Variants in GLRA3 observed in about 807,000 individuals in gnomAD.
The protein encoded by GLRA3 is glycine receptor subunit alpha-3.
GLRA3 carries 44 observed loss-of-function variants against 60.4 expected under a neutral mutation model. The ratio of observed to expected loss-of-function variants is 0.73; its 90% CI spans 0.57 to 0.94. GLRA3 has a LOEUF of 0.94. Among genes scored for constraint, GLRA3 ranks in the 40% least tolerant of loss-of-function variants. GLRA3 has a pLI of 0.00. For synonymous variants in GLRA3, 223 were observed against 192.9 expected (o/e 1.16, Z -1.29); for missense variants, 508 against 564.6 (o/e 0.90, Z 1.02).
At chr4:174,718,566 A>G (rs1402183273) in intron 4 of GLRA3, among the ~76,000 whole-genome samples, 1 of 152,210 alleles carries the variant, frequency 6.6e-6, no homozygotes, top group Non-Finnish European at 1.5e-5. Context: ...GTCTATCTCA[A>G]CCACTAGTTG....
chr4:174,658,835 T>A (rs773567814), intron 8 of GLRA3, among the ~76,000 whole-genome samples: 1 of 152,226 alleles, frequency 6.6e-6, no homozygotes, highest in Admixed American at 6.5e-5. Flanking sequence ...ATAGGTCCCA[T>A]GTCATCGGAT....
chr4:174,687,506 T>C (rs1008415807), intron 5 of GLRA3, among the ~76,000 whole-genome samples: 1 of 152,068 alleles, frequency 6.6e-6, no homozygotes, highest in African/African-American at 2.4e-5. Context: ...GTGAAAAAAA[T>C]GGGTGGAAAC....
chr4:174,666,106 T>C (rs923508694), intron 7 of GLRA3, among the ~76,000 whole-genome samples: 1 of 152,154 alleles, frequency 6.6e-6, no homozygotes, highest in African/African-American at 2.4e-5. Context: ...ATCACCTAGT[T>C]ATTAGGCTGC....
chr4:174,811,490 C>G (rs1740273463), intron 1 of GLRA3, among the ~76,000 whole-genome samples: 1 of 152,120 alleles, frequency 6.6e-6, no homozygotes, highest in African/African-American at 2.4e-5. Context: ...GTCATGTCCT[C>G]CACATTGCCT....
chr4:174,783,527 C>A (rs995231084), intron 2 of GLRA3, among the ~76,000 whole-genome samples: 19 of 139,754 alleles, frequency 1.4e-4, no homozygotes, highest in African/African-American at 5.0e-4. Flanking sequence ...TCAGAGTGAA[C>A]AGGCAACCTA....
Position 174,749,379 on chromosome 4 carries a change from T to C in GLRA3, c.267+17584A>G, listed in dbSNP as rs114242493. On this transcript the variant is annotated intron_variant, in intron 3 of 9. Coordinates refer to ENST00000274093, the MANE Select transcript of GLRA3 (RefSeq NM_006529.4). Reference sequence around the variant, plus strand: ...AATGCAACTGGAGCAATCTTTGCCATCAGAGGAGTTGTGGGAATAGGCACT... The same window carrying C: ...AATGCAACTGGAGCAATCTTTGCCACCAGAGGAGTTGTGGGAATAGGCACT... 9.3e-3 allele frequency among the ~76,000 whole-genome samples: 1,418 copies of C among 152,262 alleles called. 21 individuals carry two copies. Among genetic ancestry groups the C allele is most frequent in the African/African-American group, 0.032 (1,342 of 41,540 alleles).
intron 7 of GLRA3, among the ~76,000 whole-genome samples, 182 bp from the exon 8 acceptor site, chr4:174,659,379 G>C (rs917725107): frequency 6.6e-6 from 1 of 151,932 alleles, no homozygotes; most frequent in Non-Finnish European, 1.5e-5. Context: ...TGTATTATGA[G>C]CATTTTGTTA....
chr4:174,759,396 T>C (rs776004047), intron 3 of GLRA3, among the ~76,000 whole-genome samples: 23 of 152,184 alleles, frequency 1.5e-4, no homozygotes, highest in South Asian at 8.3e-4. Flanking sequence ...CTAAAAGATA[T>C]GCAAGAATTT....
At chr4:174,678,059 G>A (rs9312557) in intron 6 of GLRA3, among the ~76,000 whole-genome samples, 55,695 of 151,958 alleles carry the variant, frequency 0.37, 10,811 homozygotes, top group Middle Eastern at 0.46. Context: ...AATTGAACAC[G>A]AATTATTCCT....
intron 1 of GLRA3, among the ~76,000 whole-genome samples, chr4:174,816,253 G>A (rs1388779916): frequency 2.6e-5 from 4 of 152,180 alleles, no homozygotes; most frequent in Non-Finnish European, 5.9e-5. Context: ...CAGTGTGTGA[G>A]CTGGGGACTG....
intron 7 of GLRA3, among the ~76,000 whole-genome samples, chr4:174,663,261 G>A (rs1733523744): frequency 1.3e-5 from 2 of 152,068 alleles, no homozygotes; most frequent in Admixed American, 6.6e-5. Context: ...ATGTCCATCT[G>A]TTTGCAAGTA....
At chr4:174,758,028 C>T (rs1328051690) in intron 3 of GLRA3, among the ~76,000 whole-genome samples, 2 of 152,180 alleles carry the variant, frequency 1.3e-5, no homozygotes, top group East Asian at 3.9e-4. Context: ...CTCTCTTTTC[C>T]TGTACTCTCG....
rs575356241 is a variant in GLRA3, at chr4:174,723,468, C to T, written c.491+5007G>A. Among the ~76,000 whole-genome samples, 3 of 152,160 alleles carry T rather than the reference C, an allele frequency of 2.0e-5. No homozygotes were observed. The South Asian group carries it at 6.2e-4, about 32-fold the overall frequency. On this transcript the variant is annotated intron_variant, in intron 4 of 9. Coordinates refer to ENST00000274093, the MANE Select transcript of GLRA3 (RefSeq NM_006529.4). ...GTAGTGTGTTCTTTGTGTTGACTTT[C>T]TCCAACTCCAATAAGACTTAAAATA... is the stretch of plus-strand genomic sequence containing the variant.
chr4:174,644,026 G>T lies in GLRA3; in HGVS notation c.1155C>A (p.Ala385=), dbSNP rs762874196. 6.2e-7 allele frequency: 1 copy of T among 1,613,668 alleles called. No individual in the cohort carries two copies. The highest frequency in any genetic ancestry group is 8.5e-7 in the Non-Finnish European group (1 of 1,179,830). The change falls in exon 10 of 10, where the codon GCC becomes GCA. Residue 385 remains alanine, a synonymous_variant. Transcript: ENST00000274093. The part of the protein sequence containing the change: ...EVRESRFSFT[A]YGMGPCLQAK... ...CTTGTAGACATGGTCCCATTCCATA[G>T]GCTGTGAAGCTGAATCGGCTTTCCC... is the stretch of plus-strand genomic sequence containing the variant.
chr4:174,796,316 T>G (rs535045769), intron 1 of GLRA3, among the ~76,000 whole-genome samples: 1 of 152,236 alleles, frequency 6.6e-6, no homozygotes, highest in Non-Finnish European at 1.5e-5. Context: ...AAATAAATTG[T>G]GTTGTGTATA....
chr4:174,718,327 A>C (rs1041365314), intron 4 of GLRA3, among the ~76,000 whole-genome samples: 109 of 152,320 alleles, frequency 7.2e-4, no homozygotes, highest in African/African-American at 2.6e-3. Flanking sequence ...ACTGTTTTGG[A>C]AATAAATGTT....
At chr4:174,819,361 C>A (rs183558309) in intron 1 of GLRA3, among the ~76,000 whole-genome samples, 1 of 152,136 alleles carries the variant, frequency 6.6e-6, no homozygotes, top group Non-Finnish European at 1.5e-5. Context: ...AACAATACAG[C>A]GTGGATTTAT....
intron 5 of GLRA3, among the ~76,000 whole-genome samples, chr4:174,701,241 C>T (rs1477340161): frequency 6.6e-6 from 1 of 152,056 alleles, no homozygotes; most frequent in Non-Finnish European, 1.5e-5. Context: ...GATCCTAGGG[C>T]CCTTAACAAT....
intron 5 of GLRA3, among the ~76,000 whole-genome samples, chr4:174,694,066 G>A (rs1579458042): frequency 3.9e-5 from 2 of 51,316 alleles, no homozygotes; most frequent in South Asian, 8.4e-4. Context: ...ACCTACCACA[G>A]GGGGCATTGA....
Sources: gnomAD v4.1 joint callset for allele counts (sites outside exome capture counted in the v4.1 genomes callset) on GRCh38, gnomAD v4.1.1 for gene constraint, MANE v1.5 for transcripts, NCBI Gene and HGNC (gene_info 2026-07-23, HGNC 2026-07-21) for gene names.